The following CTNND2 variants were observed in gnomAD, a reference collection of about 807,000 sequenced individuals.
CTNND2 encodes the protein catenin delta 2.
In CTNND2, 22 loss-of-function variants were observed where a neutral mutation model predicts 144.4. The observed-to-expected ratio is 0.15, with a 90% CI of 0.11 to 0.22. The LOEUF (loss-of-function observed/expected upper bound fraction) is 0.22. Ranked by LOEUF, CTNND2 falls within the 10% of genes least tolerant of loss-of-function variation. The pLI is 1.00. For missense variants in CTNND2, 1,353 were observed against 1,618.8 expected, an observed-to-expected ratio of 0.84 and a Z score of 2.82; for synonymous variants, 751 against 695.6, an observed-to-expected ratio of 1.08 and a Z score of -1.25.
chr5:11,740,416 C>G lies in CTNND2; in HGVS notation c.38-8144G>C, dbSNP rs957063263. Among the ~76,000 whole-genome samples, 6 of 152,038 alleles carry G rather than the reference C, an allele frequency of 3.9e-5. No homozygotes were observed. In the East Asian group the frequency reaches 1.2e-3, roughly 29 times the overall value. Reference sequence around the variant, plus strand: ...CTACAACCATCTGATCTTTGACAAACCTGACAAAAACAAGAAATGGGGAAA... The same window carrying G: ...CTACAACCATCTGATCTTTGACAAAGCTGACAAAAACAAGAAATGGGGAAA... On this transcript the variant is annotated intron_variant, in intron 1 of 21. Transcript: ENST00000304623.
chr5:11,662,354 A>T, intron 2 of CTNND2, among the ~76,000 whole-genome samples: 1 of 151,460 alleles, frequency 6.6e-6, no homozygotes. Context: ...ACAAGATCCC[A>T]CAATAGGCCG....
chr5:11,553,077 GTATC>G (rs762152048), intron 3 of CTNND2, among the ~76,000 whole-genome samples: 12 of 152,132 alleles, frequency 7.9e-5, no homozygotes, highest in Non-Finnish European at 1.3e-4. Context: ...TGTTTGAAGA[GTATC>G]TATTCAAAGA....
At chr5:11,341,834 C>T (rs1561246975) in intron 9 of CTNND2, among the ~76,000 whole-genome samples, 1 of 151,960 alleles carries the variant, frequency 6.6e-6, no homozygotes, top group Non-Finnish European at 1.5e-5. Flanking sequence ...ACAGCAAGAC[C>T]CCTTCTCTAA....
At chr5:11,803,010 G>A (rs1018434239) in intron 1 of CTNND2, among the ~76,000 whole-genome samples, 3 of 152,104 alleles carry the variant, frequency 2.0e-5, no homozygotes, top group Non-Finnish European at 4.4e-5. Flanking sequence ...AAGTTCATGC[G>A]AGACCTTTAA....
At chr5:11,379,621 G>C (rs975824320) in intron 7 of CTNND2, among the ~76,000 whole-genome samples, 1 of 151,862 alleles carries the variant, frequency 6.6e-6, no homozygotes, top group Admixed American at 6.6e-5. Context: ...AGGTTCTGTC[G>C]CTGACTAGCC....
intron 3 of CTNND2, among the ~76,000 whole-genome samples, chr5:11,447,799 A>G (rs940428063): frequency 6.6e-6 from 1 of 152,200 alleles, no homozygotes; most frequent in African/African-American, 2.4e-5. Flanking sequence ...GGGGCCAAGG[A>G]AGGAGTTTCT....
intron 1 of CTNND2, among the ~76,000 whole-genome samples, chr5:11,746,012 T>C (rs10039367): frequency 0.084 from 12,828 of 152,144 alleles, 1,471 homozygotes; most frequent in African/African-American, 0.26. Context: ...AATTAATGGA[T>C]ACAAAACAGT....
At chr5:11,465,370 G>T (rs1420290989) in intron 3 of CTNND2, among the ~76,000 whole-genome samples, 1 of 151,274 alleles carries the variant, frequency 6.6e-6, no homozygotes, top group Non-Finnish European at 1.5e-5. Context: ...ACAGTTAATG[G>T]GTTGCTCAGA....
chr5:11,728,632 A>G (rs1175388375), intron 2 of CTNND2, among the ~76,000 whole-genome samples: 2 of 152,332 alleles, frequency 1.3e-5, no homozygotes, highest in East Asian at 3.9e-4. Flanking sequence ...TCTAAAATCA[A>G]GAATACGGTT....
At chr5:11,500,498 G>A (rs1770430469) in intron 3 of CTNND2, among the ~76,000 whole-genome samples, 1 of 152,124 alleles carries the variant, frequency 6.6e-6, no homozygotes, top group African/African-American at 2.4e-5. Context: ...TTGACTTCTA[G>A]CCAATTTTGT....
chr5:11,477,694 C>G (rs892196083), intron 3 of CTNND2, among the ~76,000 whole-genome samples: 5 of 152,158 alleles, frequency 3.3e-5, no homozygotes, highest in Non-Finnish European at 5.9e-5. Flanking sequence ...CGGTGTCTGA[C>G]AACACACTCG....
At chr5:11,548,140 A>T (rs531341314) in intron 3 of CTNND2, among the ~76,000 whole-genome samples, 1 of 152,390 alleles carries the variant, frequency 6.6e-6, no homozygotes, top group Non-Finnish European at 1.5e-5. Flanking sequence ...AGGTGTAAAG[A>T]ACACATAACA....
intron 11 of CTNND2, among the ~76,000 whole-genome samples, chr5:11,190,934 C>A (rs1736177409): frequency 6.6e-6 from 1 of 152,202 alleles, no homozygotes; most frequent in Non-Finnish European, 1.5e-5. Context: ...TCAGCAAACA[C>A]TGCTACACTT....
At chr5:11,677,446 G>C (rs1784226652) in intron 2 of CTNND2, among the ~76,000 whole-genome samples, 1 of 152,118 alleles carries the variant, frequency 6.6e-6, no homozygotes, top group Non-Finnish European at 1.5e-5. Flanking sequence ...TGCTAAATTT[G>C]ATTTGTCTGA....
chr5:11,266,835 T>C (rs1317751282), intron 9 of CTNND2, among the ~76,000 whole-genome samples: 1 of 152,184 alleles, frequency 6.6e-6, no homozygotes, highest in Admixed American at 6.5e-5. Flanking sequence ...GAGATACAAA[T>C]GCTTCCTACT....
intron 8 of CTNND2, among the ~76,000 whole-genome samples, chr5:11,357,172 C>T (rs1030502037): frequency 6.6e-6 from 1 of 152,072 alleles, no homozygotes; most frequent in African/African-American, 2.4e-5. Flanking sequence ...AATCTCACTC[C>T]TAGGTATATA....
chr5:11,300,040 T>C (rs1047306950), intron 9 of CTNND2, among the ~76,000 whole-genome samples: 6 of 152,218 alleles, frequency 3.9e-5, no homozygotes, highest in African/African-American at 1.2e-4. Context: ...TATTCATTTA[T>C]ATACATTTAG....
At chr5:11,873,894 C>G (rs958566545) in intron 1 of CTNND2, among the ~76,000 whole-genome samples, 1 of 152,286 alleles carries the variant, frequency 6.6e-6, no homozygotes, top group African/African-American at 2.4e-5. Flanking sequence ...GACACAAGCC[C>G]CCACTGGTGA....
At chr5:11,642,358 T>G (rs994779017) in intron 2 of CTNND2, among the ~76,000 whole-genome samples, 1 of 152,150 alleles carries the variant, frequency 6.6e-6, no homozygotes, top group Admixed American at 6.5e-5. Context: ...AATCACATAT[T>G]TTAAAAAGGA....
Sources: gnomAD v4.1 joint callset for allele counts (sites outside exome capture counted in the v4.1 genomes callset) on GRCh38, gnomAD v4.1.1 for gene constraint, MANE v1.5 for transcripts, NCBI Gene and HGNC (gene_info 2026-07-23, HGNC 2026-07-21) for gene names.